The following CFAP100 variants were observed in gnomAD, a reference collection of about 807,000 sequenced individuals.
The protein encoded by CFAP100 is cilia- and flagella-associated protein 100.
Under a neutral mutation model 81.5 loss-of-function variants are expected in CFAP100, and 70 were observed. The observed-to-expected ratio is 0.86, with a 90% CI of 0.71 to 1.05. The LOEUF is 1.05. Ranked by LOEUF, CFAP100 falls within the 50% of genes least tolerant of loss-of-function variation. The pLI is 0.00. For missense variants in CFAP100, 811 were observed against 776.5 expected, an observed-to-expected ratio of 1.04 and a Z score of -0.53; for synonymous variants, 341 against 314.8, an observed-to-expected ratio of 1.08 and a Z score of -0.88.
rs1242466601 is a variant in CFAP100 at position 126,407,187 on chromosome 3, C to T, written c.65C>T (p.Ser22Phe). Residue 22 changes from serine to phenylalanine, a missense_variant, in exon 3 of 17, where the codon TCC becomes TTC. Coordinates refer to ENST00000352312, the MANE Select transcript of CFAP100 (RefSeq NM_182628.3). ...NMTNDKNSLE[S>F]MNISSSSSTE... ...GTCTCCTCAGAGAACAGCCTGGAAT[C>T]CATGAACATCAGCTCTTCTTCAAGC... 8.1e-6 allele frequency: 13 copies of T among 1,613,608 alleles called. No homozygotes were observed. Among genetic ancestry groups the T allele is most frequent in the Non-Finnish European group, 1.0e-5 (12 of 1,179,734 alleles).
chr3:126,435,073 C>T (rs949822310), intron 15 of CFAP100, among the ~76,000 whole-genome samples: 1 of 152,166 alleles, frequency 6.6e-6, no homozygotes, highest in Non-Finnish European at 1.5e-5. Context: ...ATCCGTCCCC[C>T]CAAGCACAGG....
chr3:126,417,891 G>A (rs2083267992), intron 5 of CFAP100, among the ~76,000 whole-genome samples: 1 of 152,242 alleles, frequency 6.6e-6, no homozygotes, highest in Non-Finnish European at 1.5e-5. Context: ...CGCCAGGAAG[G>A]CCAGGGAAAG....
At chr3:126,415,557 C>T (rs1294990982) in intron 4 of CFAP100, among the ~76,000 whole-genome samples, 4 of 152,128 alleles carry the variant, frequency 2.6e-5, no homozygotes, top group Non-Finnish European at 5.9e-5. Flanking sequence ...ACGTGCATTC[C>T]AGGGGCCTCA....
chr3:126,399,786 G>A (rs1431087382), intron 2 of CFAP100, among the ~76,000 whole-genome samples: 1 of 152,180 alleles, frequency 6.6e-6, no homozygotes, highest in Non-Finnish European at 1.5e-5. Context: ...TGAGGAGGCT[G>A]GGACATTTTA....
chr3:126,435,231 G>A (rs1406657156), intron 15 of CFAP100, among the ~76,000 whole-genome samples: 5 of 152,158 alleles, frequency 3.3e-5, no homozygotes, highest in African/African-American at 1.2e-4. Context: ...CAGGTGCACA[G>A]ATCAGGCCAT....
rs751593034 is a variant in CFAP100, at chr3:126,436,282, C to T, written c.1723-9C>T. 9.9e-6 allele frequency: 16 copies of T among 1,608,254 alleles called. No homozygotes were observed. The South Asian group carries it at 1.8e-4, about 18-fold the overall frequency. The stretch of plus-strand genomic sequence containing the variant: ...GCAGCAAGGCTCACTGGGCTTGTTT[C>T]CCCTGCAGAGAGGCAGGACACTGGT... On this transcript the variant is annotated splice_polypyrimidine_tract_variant and intron_variant, in intron 16 of 16. Transcript: ENST00000352312.
chr3:126,409,019 G>T (rs536110340), intron 3 of CFAP100, among the ~76,000 whole-genome samples: 28 of 152,260 alleles, frequency 1.8e-4, no homozygotes, highest in Non-Finnish European at 3.4e-4. Context: ...GAACTCCTGG[G>T]CTCAATCAGT....
intron 5 of CFAP100, 126 bp downstream of exon 5, chr3:126,416,634 G>A (rs981800677): frequency 8.2e-5 from 66 of 804,464 alleles, no homozygotes; most frequent in South Asian, 1.7e-4. Context: ...AAGTGCTTCG[G>A]AAAGGCCTGC....
intron 13 of CFAP100, 57 bp from the exon 14 acceptor site, chr3:126,433,012 G>T: frequency 6.3e-7 from 1 of 1,599,414 alleles, no homozygotes; most frequent in South Asian, 1.1e-5. Flanking sequence ...TCAGAGAAGC[G>T]ATGTGCCCAG....
intron 2 of CFAP100, among the ~76,000 whole-genome samples, chr3:126,406,672 C>A (rs2083068572): frequency 6.6e-6 from 1 of 152,176 alleles, no homozygotes; most frequent in South Asian, 2.1e-4. Context: ...AGCTTCCAGG[C>A]AGCACAACCC....
intron 2 of CFAP100, 90 bp downstream of exon 2, chr3:126,396,139 C>T (rs2082884758): frequency 1.0e-6 from 1 of 987,128 alleles, no homozygotes; most frequent in Admixed American, 1.7e-5. Flanking sequence ...TAGCTCTAAA[C>T]CAAACACTAG....
chr3:126,416,440 CGCGCGCCGAGGCCGAGCATCA>C lies in CFAP100; in HGVS notation c.358_378del (p.Glu120_Ala126del). The C allele has an allele frequency of 6.2e-7, 1 of 1,610,716 alleles. No homozygotes were observed. The highest frequency in any genetic ancestry group is 8.5e-7 in the Non-Finnish European group (1 of 1,179,036). ...GAGGACAAGCAGGAGGACCTGGAGG[CGCGCGCCGAGGCCGAGCATCA>C]GCGCGCCTTCCGCGACTACACGACC... On this transcript the variant is annotated inframe_deletion, in exon 5 of 17. Transcript: ENST00000352312.
At chr3:126,414,056 C>T in intron 3 of CFAP100, 29 bp from the exon 4 acceptor site, 1 of 1,544,464 alleles carries the variant, frequency 6.5e-7, no homozygotes, top group Non-Finnish European at 9.0e-7. Flanking sequence ...AGCTGGCTCC[C>T]CTTTCCAGAG....
At chr3:126,425,187 C>A (rs1337871150) in intron 13 of CFAP100, among the ~76,000 whole-genome samples, 1 of 152,216 alleles carries the variant, frequency 6.6e-6, no homozygotes, top group Non-Finnish European at 1.5e-5. Flanking sequence ...CAAACGTAAA[C>A]CTCATAGCAG....
intron 14 of CFAP100, chr3:126,433,532 A>G: frequency 3.6e-6 from 1 of 275,810 alleles, no homozygotes; most frequent in Non-Finnish European, 6.9e-6. Context: ...GGGTGAGAGA[A>G]TTGGGAGAGA....
At chr3:126,409,887 G>A (rs2083127789) in intron 3 of CFAP100, among the ~76,000 whole-genome samples, 1 of 152,192 alleles carries the variant, frequency 6.6e-6, no homozygotes, top group Non-Finnish European at 1.5e-5. Context: ...CACTCTCTGA[G>A]TGGTGCTAAA....
At chr3:126,435,526 C>T (rs770928731) in intron 15 of CFAP100, 33 bp from the exon 16 acceptor site, 1 of 1,585,338 alleles carries the variant, frequency 6.3e-7, no homozygotes, top group Non-Finnish European at 8.6e-7. Context: ...TTCCAGGTCC[C>T]CCCAGTTTTC....
At chr3:126,425,535 T>C (rs576482879) in intron 13 of CFAP100, among the ~76,000 whole-genome samples, 1 of 152,322 alleles carries the variant, frequency 6.6e-6, no homozygotes, top group South Asian at 2.1e-4. Context: ...TTTCAGAAGA[T>C]AGGAGCAGAG....
intron 13 of CFAP100, among the ~76,000 whole-genome samples, chr3:126,429,434 G>T (rs558082966): frequency 3.2e-4 from 48 of 152,142 alleles, no homozygotes; most frequent in South Asian, 2.9e-3. Flanking sequence ...TCTGCCTCTT[G>T]TGACAGTTTT....
Sources: gnomAD v4.1 joint callset for allele counts (sites outside exome capture counted in the v4.1 genomes callset) on GRCh38, gnomAD v4.1.1 for gene constraint, MANE v1.5 for transcripts, NCBI Gene and HGNC (gene_info 2026-07-23, HGNC 2026-07-21) for gene names.